Variants in DACH2 observed in about 807,000 individuals in gnomAD.
DACH2 encodes the protein dachshund family transcription factor 2, also known as dachshund homolog 2.
In DACH2, 17 loss-of-function variants were observed where a neutral mutation model predicts 35.8. That is an observed-to-expected ratio of 0.48 (90% CI 0.33 to 0.71). The LOEUF is 0.71. Among genes scored for constraint, DACH2 ranks in the 30% least tolerant of loss-of-function variants. The pLI, the probability that DACH2 is intolerant of heterozygous loss-of-function variation, is 0.02. For synonymous variants in DACH2, 195 were observed against 177.3 expected (o/e 1.10, Z -0.79); for missense variants, 469 against 472.7 (o/e 0.99, Z 0.07).
chrX:86,825,312 G>T (rs923595319), intron 11 of DACH2, among the ~76,000 whole-genome samples: 15 of 110,881 alleles, frequency 1.4e-4, no homozygotes, highest in Non-Finnish European at 3.8e-5. Context: ...AGCTACCTGG[G>T]AGGCTGAGGC....
chrX:86,377,026 T>C (rs968951433), intron 2 of DACH2, among the ~76,000 whole-genome samples, 164 bp downstream of exon 2: 1 of 111,297 alleles, frequency 9.0e-6, no homozygotes, highest in Non-Finnish European at 1.9e-5. Flanking sequence ...TCTTGCTTAA[T>C]CCTCAGTTCA....
chrX:86,402,389 T>G (rs2036450281), intron 2 of DACH2, among the ~76,000 whole-genome samples: 1 of 111,518 alleles, frequency 9.0e-6, no homozygotes, highest in Admixed American at 9.6e-5. Context: ...ATCAATAACT[T>G]CCAGGCTGAG....
chrX:86,624,645 G>A (rs2040112006), intron 3 of DACH2, among the ~76,000 whole-genome samples: 1 of 111,618 alleles, frequency 9.0e-6, no homozygotes, highest in Middle Eastern at 4.3e-3. Flanking sequence ...CAAGATCTAG[G>A]AGGACAAAAT....
At chrX:86,674,222 A>G (rs116839397) in intron 4 of DACH2, among the ~76,000 whole-genome samples, 1 of 112,025 alleles carries the variant, frequency 8.9e-6, no homozygotes, top group African/African-American at 3.3e-5. Context: ...CTCAGAGGAC[A>G]TTGTTCATTA....
intron 1 of DACH2, among the ~76,000 whole-genome samples, chrX:86,184,907 T>C (rs936675668): frequency 8.1e-5 from 9 of 111,391 alleles, no homozygotes; most frequent in African/African-American, 2.9e-4. Flanking sequence ...TTTTTCTTTA[T>C]TCAAAGGCTA....
At chrX:86,670,570 G>C (rs1340288825) in intron 4 of DACH2, among the ~76,000 whole-genome samples, 1 of 111,588 alleles carries the variant, frequency 9.0e-6, no homozygotes, top group African/African-American at 3.3e-5. Flanking sequence ...CCCAACCTAA[G>C]CTTGATCCCT....
intron 3 of DACH2, among the ~76,000 whole-genome samples, chrX:86,639,111 A>T (rs1385112272): frequency 1.8e-5 from 2 of 111,677 alleles, no homozygotes; most frequent in East Asian, 5.6e-4. Context: ...CACAGAGAGG[A>T]ACAGAGAGGA....
At position 86,651,095 on chromosome X, in the gene DACH2, A is replaced by G. The variant is rs1287065665; in HGVS notation, c.700A>G (p.Met234Val). Reference protein sequence around the residue: ...MKLQKMKLMAMNTLQGNGSQN... With the variant: ...MKLQKMKLMAVNTLQGNGSQN... The stretch of plus-strand genomic sequence containing the variant: ...ACTTCAGAAGATGAAGCTTATGGCT[A>G]TGAACACTCTTCAGGGAAATGGAAG... The change falls in exon 4 of 12, where the codon ATG becomes GTG. Residue 234 changes from methionine (M) to valine (V), a missense_variant. Coordinates refer to ENST00000373125, the MANE Select transcript of DACH2 (RefSeq NM_053281.3). 8 of 1,207,855 alleles carry G rather than the reference A, an allele frequency of 6.6e-6. No homozygotes were observed. In the Admixed American group the frequency reaches 1.5e-4, roughly 23 times the overall value.
chrX:86,431,940 G>T (rs1420960751), intron 2 of DACH2, among the ~76,000 whole-genome samples: 3 of 111,888 alleles, frequency 2.7e-5, no homozygotes, highest in Non-Finnish European at 5.7e-5. Flanking sequence ...TAGAATTAAT[G>T]AAGAGCTTTC....
At chrX:86,521,799 C>T (rs1486849084) in intron 3 of DACH2, among the ~76,000 whole-genome samples, 1 of 111,808 alleles carries the variant, frequency 8.9e-6, no homozygotes, top group African/African-American at 3.2e-5. Context: ...TCTTATTCAC[C>T]TGCATTCAAA....
At chrX:86,671,855 CAGA>C (rs1463344475) in intron 4 of DACH2, among the ~76,000 whole-genome samples, 2 of 111,374 alleles carry the variant, frequency 1.8e-5, no homozygotes, top group African/African-American at 3.3e-5. Flanking sequence ...TGCGAGGGCT[CAGA>C]AGAAGACAGG....
chrX:86,547,596 T>C (rs1416675328), intron 3 of DACH2, among the ~76,000 whole-genome samples: 1 of 109,547 alleles, frequency 9.1e-6, no homozygotes. Flanking sequence ...AAACACATTA[T>C]AGAAATGATT....
chrX:86,620,393 TG>T (rs2040055254), intron 3 of DACH2, among the ~76,000 whole-genome samples: 1 of 111,571 alleles, frequency 9.0e-6, no homozygotes. Context: ...TTTTGAAACA[TG>T]GGGAATATTT....
At chrX:86,728,401 T>G (rs750398995) in intron 6 of DACH2, among the ~76,000 whole-genome samples, 1 of 112,582 alleles carries the variant, frequency 8.9e-6, no homozygotes, top group South Asian at 3.7e-4. Flanking sequence ...TTGGAAAATT[T>G]GCAGCCTAGC....
chrX:86,677,228 A>G (rs149338196), intron 4 of DACH2, among the ~76,000 whole-genome samples: 310 of 112,132 alleles, frequency 2.8e-3, no homozygotes, highest in Non-Finnish European at 4.8e-3. Flanking sequence ...TGAAAATAAC[A>G]AGCTTAATAT....
intron 3 of DACH2, among the ~76,000 whole-genome samples, chrX:86,559,553 C>A (rs2039175417): frequency 3.9e-5 from 1 of 25,967 alleles, no homozygotes. Flanking sequence ...TAAAGTCTCC[C>A]ATTATTAATG....
chrX:86,218,149 G>C (rs2032620711), intron 1 of DACH2, among the ~76,000 whole-genome samples: 3 of 111,482 alleles, frequency 2.7e-5, no homozygotes, highest in Non-Finnish European at 3.8e-5. Context: ...ATAAGGAATA[G>C]GCCTGAACAT....
At chrX:86,224,470 G>A (rs936282956) in intron 1 of DACH2, among the ~76,000 whole-genome samples, 10 of 110,908 alleles carry the variant, frequency 9.0e-5, no homozygotes, top group South Asian at 3.8e-4. Flanking sequence ...TAACAATAAC[G>A]GTAAATGACC....
chrX:86,342,623 A>G (rs1356637752), intron 1 of DACH2, among the ~76,000 whole-genome samples: 1 of 109,598 alleles, frequency 9.1e-6, no homozygotes, highest in African/African-American at 3.3e-5. Flanking sequence ...CTTGGCCAAC[A>G]TGACAAAACC....
Sources: allele counts gnomAD v4.1 joint callset (sites outside exome capture counted in the v4.1 genomes callset), GRCh38; gene constraint gnomAD v4.1.1; transcripts MANE v1.5; gene names NCBI Gene and HGNC (gene_info 2026-07-23, HGNC 2026-07-21).